LRRC49: variants seen among roughly 807,000 people sequenced by gnomAD.
LRRC49 encodes the protein leucine rich repeat containing 49, also known as leucine-rich repeat-containing protein 49.
In LRRC49, 50 loss-of-function variants were observed where a neutral mutation model predicts 83.3. That is an observed-to-expected ratio of 0.60 (90% CI 0.48 to 0.76). LRRC49 has a LOEUF of 0.76. Among genes scored for constraint, LRRC49 ranks in the 30% least tolerant of loss-of-function variants. The pLI is 0.00. For synonymous variants in LRRC49, 286 were observed against 283.3 expected, an observed-to-expected ratio of 1.01 and a Z score of -0.10; for missense variants, 704 against 809.1, an observed-to-expected ratio of 0.87 and a Z score of 1.58.
intron 1 of LRRC49, chr15:70,859,150 C>G (rs1008055219): frequency 7.2e-7 from 1 of 1,386,442 alleles, no homozygotes; most frequent in Non-Finnish European, 1.0e-6. Flanking sequence ...ATATCAACAA[C>G]CTTAGGTGGC....
At chr15:70,894,616 A>G (rs1193017193) in intron 2 of LRRC49, 4 of 1,287,828 alleles carry the variant, frequency 3.1e-6, no homozygotes, top group Admixed American at 2.3e-5. Flanking sequence ...TCAAGACACA[A>G]CATGATTTTT....
At chr15:70,922,524 T>C (rs1029994985) in intron 7 of LRRC49, among the ~76,000 whole-genome samples, 7 of 151,940 alleles carry the variant, frequency 4.6e-5, no homozygotes, top group African/African-American at 1.7e-4. Context: ...TATCAGAGGC[T>C]GAGAAGGGTA....
intron 11 of LRRC49, chr15:70,984,483 A>G: frequency 7.8e-6 from 3 of 385,170 alleles, no homozygotes; most frequent in Non-Finnish European, 1.4e-5. Context: ...GGAAAAGTCT[A>G]GATTTCTTAA....
rs575074923 is a variant in LRRC49, at chr15:70,949,994, C to CTTTG, written c.773+13175_773+13178dup. On this transcript the variant is annotated intron_variant, in intron 8 of 15. Coordinates refer to ENST00000260382, the MANE Select transcript of LRRC49 (RefSeq NM_017691.5). ...TCCCCCATCAAGTGGTCCCCAGTGT[C>CTTTG]TTTGTTCCCTTCTTTGTATTCATGT... Among the ~76,000 whole-genome samples, 63 of 152,122 alleles carry CTTTG rather than the reference C, an allele frequency of 4.1e-4. 2 individuals carry two copies. In the South Asian group the frequency reaches 0.012, roughly 30 times the overall value.
chr15:70,929,409 ATACTT>A (rs1217312382), intron 7 of LRRC49, among the ~76,000 whole-genome samples: 2 of 152,220 alleles, frequency 1.3e-5, no homozygotes, highest in African/African-American at 2.4e-5. Flanking sequence ...TAATTCAAAA[ATACTT>A]TAGTAATAAA....
chr15:70,904,713 C>G lies in LRRC49; in HGVS notation c.458C>G (p.Ser153Trp). 1.2e-6 allele frequency: 2 copies of G among 1,613,544 alleles called. No individual in the cohort carries two copies. The highest frequency in any genetic ancestry group is 1.7e-6 in the Non-Finnish European group (2 of 1,179,660). The change falls in exon 5 of 16, where the codon TCG becomes TGG. Residue 153 changes from serine (S) to tryptophan (W), a missense_variant. By Grantham distance (177) the Ser-to-Trp change is radical. Around this residue, in one of 3 missense-constraint regions of LRRC49, gnomAD observed 261 missense variants for 330.5 expected, o/e 0.79. Coordinates refer to ENST00000260382, the MANE Select transcript of LRRC49 (RefSeq NM_017691.5). The part of the protein sequence containing the change: ...DNQIEEISGL[S>W]TLRCLRVLLL... ...CAGATTGAAGAAATTAGTGGGCTTT[C>G]GACTCTGAGATGTCTTCGTGTCCTT... is the stretch of plus-strand genomic sequence containing the variant.
chr15:70,994,534 G>A (rs531054729), intron 11 of LRRC49, among the ~76,000 whole-genome samples: 1 of 152,062 alleles, frequency 6.6e-6, no homozygotes, highest in Non-Finnish European at 1.5e-5. Flanking sequence ...AAGTGCGGTG[G>A]CATGATCTCG....
intron 1 of LRRC49, among the ~76,000 whole-genome samples, chr15:70,866,080 C>A (rs2032903654): frequency 6.6e-6 from 1 of 151,986 alleles, no homozygotes. Flanking sequence ...TTACTCTAAT[C>A]TCATTGTATC....
chr15:70,956,275 T>A (rs1317716516), intron 8 of LRRC49, among the ~76,000 whole-genome samples: 3 of 152,182 alleles, frequency 2.0e-5, no homozygotes, highest in Admixed American at 6.5e-5. Flanking sequence ...CCTTTCGGGA[T>A]ATGAATTTTG....
chr15:70,978,692 T>G (rs1405221893), intron 9 of LRRC49, among the ~76,000 whole-genome samples: 1 of 152,196 alleles, frequency 6.6e-6, no homozygotes, highest in African/African-American at 2.4e-5. Context: ...TCGGTTTTAA[T>G]AAATTACTGA....
At chr15:70,911,999 C>T (rs549056658) in intron 6 of LRRC49, among the ~76,000 whole-genome samples, 1 of 151,986 alleles carries the variant, frequency 6.6e-6, no homozygotes, top group South Asian at 2.1e-4. Context: ...TTGGGTTTTT[C>T]AGTTGGTTTT....
intron 1 of LRRC49, among the ~76,000 whole-genome samples, chr15:70,871,418 C>G (rs907230334): frequency 6.6e-6 from 1 of 152,186 alleles, no homozygotes; most frequent in Non-Finnish European, 1.5e-5. Flanking sequence ...CCTCTCTACT[C>G]GACAAAACCC....
intron 15 of LRRC49, among the ~76,000 whole-genome samples, chr15:71,040,294 A>C (rs911704200): frequency 6.6e-6 from 1 of 152,212 alleles, no homozygotes; most frequent in Admixed American, 6.5e-5. Flanking sequence ...AGTAGTAGGC[A>C]GAATTCTAAC....
At chr15:71,032,457 T>C (rs2039388471) in intron 14 of LRRC49, among the ~76,000 whole-genome samples, 1 of 152,124 alleles carries the variant, frequency 6.6e-6, no homozygotes, top group Non-Finnish European at 1.5e-5. Context: ...GTACTATTTC[T>C]TCCAAAACTA....
chr15:71,041,548 A>G (rs1164066037), intron 15 of LRRC49, among the ~76,000 whole-genome samples: 1 of 152,188 alleles, frequency 6.6e-6, no homozygotes, highest in Admixed American at 6.5e-5. Flanking sequence ...GTATCTTGTA[A>G]TAACCTAATA....
chr15:70,891,236 C>G (rs1325006960), upstream of LRRC49, among the ~76,000 whole-genome samples: 1 of 152,072 alleles, frequency 6.6e-6, no homozygotes, highest in African/African-American at 2.4e-5. Context: ...TTAGAAGGAA[C>G]AGAAAAGTAG....
At chr15:70,904,089 T>C (rs1254427880) in intron 4 of LRRC49, among the ~76,000 whole-genome samples, 1 of 152,168 alleles carries the variant, frequency 6.6e-6, no homozygotes, top group Non-Finnish European at 1.5e-5. Flanking sequence ...AGATGTCATC[T>C]GGCTCAAGAG....
At chr15:70,959,922 C>T (rs1168459997) in intron 8 of LRRC49, among the ~76,000 whole-genome samples, 1 of 152,136 alleles carries the variant, frequency 6.6e-6, no homozygotes, top group African/African-American at 2.4e-5. Flanking sequence ...CATTTTTATT[C>T]ATAATGCTCA....
chr15:70,872,411 AGAGGGAGAGGAG>A (rs1408052495), intron 1 of LRRC49, among the ~76,000 whole-genome samples: 2 of 129,766 alleles, frequency 1.5e-5, no homozygotes, highest in African/African-American at 5.7e-5. Context: ...GACGTAGGGG[AGAGGGAGAGGAG>A]GAGGGGGAGG....
Sources: allele counts gnomAD v4.1 joint callset (sites outside exome capture counted in the v4.1 genomes callset), GRCh38; gene constraint gnomAD v4.1.1; regional missense constraint gnomAD v4.1.1; transcripts MANE v1.5; gene names NCBI Gene and HGNC (gene_info 2026-07-23, HGNC 2026-07-21).